Variants in CADM1 observed in about 807,000 individuals in gnomAD.
CADM1 encodes the protein TSLC-1.
Under a neutral mutation model 53.1 loss-of-function variants are expected in CADM1, and 15 were observed. The ratio of observed to expected loss-of-function variants is 0.28; its 90% CI spans 0.19 to 0.44. The LOEUF (loss-of-function observed/expected upper bound fraction) is 0.44. CADM1 is among the 20% of genes least tolerant of loss of function. The probability of loss-of-function intolerance (pLI) is 1.00; values close to 1 mark genes in which losing one functional copy is unlikely to be tolerated. For missense variants in CADM1, 434 were observed against 611.3 expected (o/e 0.71, Z 3.06); for synonymous variants, 281 against 243.0 (o/e 1.16, Z -1.45).
intron 1 of CADM1, among the ~76,000 whole-genome samples, chr11:115,338,261 T>C (rs1180359054): frequency 6.6e-6 from 1 of 152,178 alleles, no homozygotes; most frequent in African/African-American, 2.4e-5. Flanking sequence ...GTAGAAACCA[T>C]TGTTAAATAT....
At chr11:115,229,457 T>C (rs576312571) in intron 4 of CADM1, among the ~76,000 whole-genome samples, 186 bp from the exon 5 acceptor site, 2 of 152,198 alleles carry the variant, frequency 1.3e-5, no homozygotes, top group Non-Finnish European at 2.9e-5. Flanking sequence ...AATTTATGAC[T>C]TTTCAACCAG....
At chr11:115,500,401 T>C (rs1444321661) in intron 1 of CADM1, among the ~76,000 whole-genome samples, 1 of 152,190 alleles carries the variant, frequency 6.6e-6, no homozygotes, top group African/African-American at 2.4e-5. Flanking sequence ...AATGAGACAG[T>C]TTATATTCAT....
intron 1 of CADM1, among the ~76,000 whole-genome samples, chr11:115,249,936 C>A (rs768552538): frequency 2.0e-5 from 3 of 150,828 alleles, no homozygotes; most frequent in South Asian, 2.1e-4. Context: ...ACAGAGTCTC[C>A]CTCTGTTGCC....
chr11:115,328,689 T>TGTATATACATATATAC, intron 1 of CADM1, among the ~76,000 whole-genome samples: 1 of 23,964 alleles, frequency 4.2e-5, no homozygotes, highest in African/African-American at 2.8e-4. Flanking sequence ...TGTATATATA[T>TGTATATACATATATAC]GTGTATATAT....
intron 1 of CADM1, among the ~76,000 whole-genome samples, chr11:115,370,543 G>A (rs886862341): frequency 3.3e-5 from 5 of 152,144 alleles, no homozygotes; most frequent in Non-Finnish European, 7.4e-5. Flanking sequence ...CAAAGAAGAG[G>A]TCATGCAAAC....
intron 1 of CADM1, among the ~76,000 whole-genome samples, chr11:115,378,493 GAAGTAT>G (rs1160975307): frequency 2.0e-5 from 3 of 151,990 alleles, no homozygotes; most frequent in Non-Finnish European, 4.4e-5. Flanking sequence ...AACCATCAAA[GAAGTAT>G]AAGTCAATAA....
intron 1 of CADM1, among the ~76,000 whole-genome samples, chr11:115,287,680 C>G (rs1190601055): frequency 1.3e-5 from 2 of 152,108 alleles, no homozygotes; most frequent in Non-Finnish European, 2.9e-5. Context: ...CGAATTGCCA[C>G]AAAACACCAA....
intron 2 of CADM1, among the ~76,000 whole-genome samples, chr11:115,238,898 A>C (rs921975281): frequency 1.3e-5 from 2 of 152,110 alleles, no homozygotes; most frequent in Non-Finnish European, 2.9e-5. Flanking sequence ...ATATATGCAC[A>C]CACACCCAGC....
At chr11:115,397,944 A>G (rs1183300708) in intron 1 of CADM1, among the ~76,000 whole-genome samples, 2 of 152,174 alleles carry the variant, frequency 1.3e-5, no homozygotes, top group Admixed American at 6.5e-5. Context: ...ATTTGGGGAA[A>G]TGGGCACATC....
intron 1 of CADM1, among the ~76,000 whole-genome samples, chr11:115,486,142 G>A (rs538046432): frequency 9.9e-5 from 15 of 152,138 alleles, no homozygotes; most frequent in African/African-American, 3.6e-4. Context: ...CCTAATTCAA[G>A]TTTTTGTTGT....
chr11:115,479,830 A>G (rs975788330), intron 1 of CADM1, among the ~76,000 whole-genome samples: 4 of 152,234 alleles, frequency 2.6e-5, no homozygotes, highest in African/African-American at 2.4e-5. Flanking sequence ...GGCTAAGGAC[A>G]TGGATGGTAG....
chr11:115,176,274 A>C lies in CADM1; in HGVS notation c.*200T>G. The C allele has an allele frequency of 3.6e-6, 5 of 1,374,972 alleles. No individual in the cohort carries two copies. Among genetic ancestry groups the C allele is most frequent in the Non-Finnish European group, 4.7e-6 (5 of 1,058,246 alleles). 85.2% of individuals were successfully genotyped at this position (1,374,972 alleles called of 1,614,324 possible). On this transcript the variant is annotated 3_prime_UTR_variant, in exon 12 of 12. Coordinates refer to ENST00000331581, the MANE Select transcript of CADM1 (RefSeq NM_001301043.2). Reference sequence around the variant, plus strand: ...AATTAAACAAACAAACAAACGAAAAAAGAGGTGTCAAACAGCAGAGTGTAC... The same window carrying C: ...AATTAAACAAACAAACAAACGAAAACAGAGGTGTCAAACAGCAGAGTGTAC...
chr11:115,350,696 T>G (rs1257214210), intron 1 of CADM1, among the ~76,000 whole-genome samples: 1 of 152,002 alleles, frequency 6.6e-6, no homozygotes, highest in Non-Finnish European at 1.5e-5. Context: ...AACACTGTAT[T>G]TCATGCCTTA....
chr11:115,491,135 C>T (rs1046696209), intron 1 of CADM1, among the ~76,000 whole-genome samples: 1 of 151,676 alleles, frequency 6.6e-6, no homozygotes, highest in East Asian at 1.9e-4. Context: ...TATTTGCCAA[C>T]TTATTGGATA....
chr11:115,493,586 A>T (rs1030087991), intron 1 of CADM1, among the ~76,000 whole-genome samples: 7 of 152,180 alleles, frequency 4.6e-5, no homozygotes, highest in African/African-American at 1.7e-4. Context: ...AGAACCCTAC[A>T]AATTCACCTA....
chr11:115,401,258 T>C (rs920403423), intron 1 of CADM1, among the ~76,000 whole-genome samples: 1 of 152,198 alleles, frequency 6.6e-6, no homozygotes, highest in African/African-American at 2.4e-5. Flanking sequence ...GCAACCATAC[T>C]GCATGATTCC....
intron 8 of CADM1, 118 bp downstream of exon 8, chr11:115,209,456 A>T (rs1172163526): frequency 6.7e-7 from 1 of 1,485,468 alleles, no homozygotes; most frequent in African/African-American, 1.4e-5. Flanking sequence ...TTGGAGTTCC[A>T]AAATAAAGGA....
At chr11:115,222,960 G>GT (rs1233203520) in intron 5 of CADM1, among the ~76,000 whole-genome samples, 3 of 152,042 alleles carry the variant, frequency 2.0e-5, no homozygotes, top group African/African-American at 4.8e-5. Flanking sequence ...CAAGAGAGGG[G>GT]TTTTTTTGTT....
intron 1 of CADM1, among the ~76,000 whole-genome samples, chr11:115,372,961 A>T (rs998360100): frequency 2.0e-5 from 3 of 152,240 alleles, no homozygotes; most frequent in Non-Finnish European, 2.9e-5. Context: ...TTGATTGTCA[A>T]TTAACATTTC....
Sources: allele counts gnomAD v4.1 joint callset (sites outside exome capture counted in the v4.1 genomes callset), GRCh38; gene constraint gnomAD v4.1.1; transcripts MANE v1.5; gene names NCBI Gene and HGNC (gene_info 2026-07-23, HGNC 2026-07-21).